The following MALRD1 variants were observed in gnomAD, a reference collection of about 807,000 sequenced individuals.
MALRD1 encodes MAM and LDL-receptor class A domain-containing protein 1.
A neutral mutation model predicts 242.1 loss-of-function variants in MALRD1; 247 were observed. The ratio of observed to expected loss-of-function variants is 1.02; its 90% CI spans 0.92 to 1.13. The LOEUF (loss-of-function observed/expected upper bound fraction) is 1.13, where lower values mean the gene tolerates loss of function less well. Ranked by LOEUF, MALRD1 falls within the 50% of genes most tolerant of loss-of-function variation. The probability of loss-of-function intolerance (pLI) is 0.00; values close to 1 mark genes in which losing one functional copy is unlikely to be tolerated. For synonymous variants in MALRD1, 995 were observed against 866.6 expected (o/e 1.15, Z -2.60); for missense variants, 2,989 against 2,533.1 (o/e 1.18, Z -3.86).
At chr10:19,253,348 A>C (rs1839376371) in intron 18 of MALRD1, among the ~76,000 whole-genome samples, 1 of 152,006 alleles carries the variant, frequency 6.6e-6, no homozygotes, top group South Asian at 2.1e-4. Context: ...AAAGTAATAG[A>C]CACATTGATG....
At chr10:19,141,712 GT>G (rs1234951766) in intron 10 of MALRD1, among the ~76,000 whole-genome samples, 1 of 151,892 alleles carries the variant, frequency 6.6e-6, no homozygotes, top group Non-Finnish European at 1.5e-5. Context: ...TGAAAAAGGG[GT>G]TTTTTAAATT....
intron 19 of MALRD1, among the ~76,000 whole-genome samples, chr10:19,279,655 A>T (rs1840708824): frequency 6.6e-6 from 1 of 152,222 alleles, no homozygotes; most frequent in African/African-American, 2.4e-5. Flanking sequence ...GATTTATTGT[A>T]GCAGTGGAAG....
chr10:19,312,378 G>A (rs959699609), intron 21 of MALRD1, among the ~76,000 whole-genome samples: 3 of 137,548 alleles, frequency 2.2e-5, no homozygotes, highest in African/African-American at 5.5e-5. Flanking sequence ...AGAGGAATGT[G>A]TATATATATA....
At chr10:19,269,926 C>T (rs138725697) in intron 19 of MALRD1, among the ~76,000 whole-genome samples, 17 of 152,296 alleles carry the variant, frequency 1.1e-4, no homozygotes, top group South Asian at 4.1e-4. Flanking sequence ...ATGAACTCAT[C>T]GGTCTCTCTT....
chr10:19,240,149 G>A (rs534411338), intron 18 of MALRD1, among the ~76,000 whole-genome samples: 2 of 152,042 alleles, frequency 1.3e-5, no homozygotes, highest in African/African-American at 4.8e-5. Context: ...TCCATTTTTT[G>A]TGTATCGTAA....
intron 32 of MALRD1, among the ~76,000 whole-genome samples, chr10:19,556,130 G>A (rs1360606009): frequency 6.6e-6 from 1 of 152,010 alleles, no homozygotes; most frequent in Non-Finnish European, 1.5e-5. Context: ...TATTATTGGA[G>A]CAGTTTTAGG....
At chr10:19,355,854 T>TA (rs1844608164) in intron 26 of MALRD1, among the ~76,000 whole-genome samples, 3 of 52,908 alleles carry the variant, frequency 5.7e-5, no homozygotes, top group African/African-American at 4.1e-4. Flanking sequence ...TATATATATA[T>TA]ATATTATATA....
At chr10:19,557,200 T>C (rs1036262046) in intron 32 of MALRD1, among the ~76,000 whole-genome samples, 2 of 152,100 alleles carry the variant, frequency 1.3e-5, no homozygotes, top group African/African-American at 4.8e-5. Flanking sequence ...CCAGGCCTTA[T>C]CAGATATGTG....
rs1837225932 is a variant in MALRD1, at chr10:19,214,639, T to C, written c.2991+4959T>C. 2.0e-5 allele frequency among the ~76,000 whole-genome samples: 3 copies of C among 152,206 alleles called. No individual in the cohort carries two copies. In the South Asian group the frequency reaches 6.2e-4, roughly 31 times the overall value. ...TAAAGGGTAAACATTGAAAATGTGA[T>C]CTTCGGTTTTCATCTCTAAAGAACT... is the stretch of plus-strand genomic sequence containing the variant. On this transcript the variant is annotated intron_variant, in intron 18 of 39. Transcript: ENST00000454679.
intron 34 of MALRD1, among the ~76,000 whole-genome samples, chr10:19,601,685 T>C (rs761728987): frequency 6.6e-6 from 1 of 152,032 alleles, no homozygotes. Context: ...TGTGAACTTA[T>C]AACACTTATA....
intron 4 of MALRD1, among the ~76,000 whole-genome samples, chr10:19,103,616 T>C (rs1836358209): frequency 6.7e-6 from 1 of 149,120 alleles, no homozygotes. Flanking sequence ...AATTGCAAAA[T>C]GCCAAGAACT....
chr10:19,288,321 C>A (rs534040709), intron 21 of MALRD1, among the ~76,000 whole-genome samples: 1 of 152,012 alleles, frequency 6.6e-6, no homozygotes, highest in South Asian at 2.1e-4. Flanking sequence ...CAGTTACTCT[C>A]TTTATTTTAA....
At chr10:19,730,411 T>G (rs555387856) in intron 38 of MALRD1, among the ~76,000 whole-genome samples, 2 of 152,208 alleles carry the variant, frequency 1.3e-5, no homozygotes, top group Admixed American at 6.5e-5. Context: ...CTGAGTAATA[T>G]TTTAAGAAAT....
chr10:19,449,519 A>T (rs757521062), intron 28 of MALRD1, among the ~76,000 whole-genome samples: 35 of 151,076 alleles, frequency 2.3e-4, no homozygotes, highest in Non-Finnish European at 4.6e-4. Flanking sequence ...GTAGATTAAT[A>T]TGCCTCTGTT....
At chr10:19,195,833 C>T (rs894688645) in intron 14 of MALRD1, among the ~76,000 whole-genome samples, 1 of 151,888 alleles carries the variant, frequency 6.6e-6, no homozygotes, top group Admixed American at 6.6e-5. Context: ...AGTGTGTTCT[C>T]GGTGCTACCC....
intron 8 of MALRD1, among the ~76,000 whole-genome samples, chr10:19,132,862 G>A (rs1833169132): frequency 6.6e-6 from 1 of 152,084 alleles, no homozygotes; most frequent in Non-Finnish European, 1.5e-5. Flanking sequence ...GAGCATAAAA[G>A]CATCAACATA....
intron 24 of MALRD1, among the ~76,000 whole-genome samples, chr10:19,336,270 AT>A (rs746769661): frequency 8.5e-4 from 129 of 152,302 alleles, no homozygotes; most frequent in Non-Finnish European, 1.6e-3. Context: ...GGAAACAACC[AT>A]TTTATTAGCT....
At chr10:19,235,613 A>AGAGAGC (rs769851042) in intron 18 of MALRD1, among the ~76,000 whole-genome samples, 31 of 143,844 alleles carry the variant, frequency 2.2e-4, no homozygotes, top group Non-Finnish European at 4.3e-4. Context: ...AGAGAGAGAG[A>AGAGAGC]GCGCCTAGGT....
At chr10:19,585,180 A>G (rs997253591) in intron 33 of MALRD1, among the ~76,000 whole-genome samples, 2 of 151,990 alleles carry the variant, frequency 1.3e-5, no homozygotes, top group African/African-American at 2.4e-5. Flanking sequence ...TCTTTATCCA[A>G]TTTGCCGGTC....
Sources: allele counts gnomAD v4.1 joint callset (sites outside exome capture counted in the v4.1 genomes callset), GRCh38; gene constraint gnomAD v4.1.1; transcripts MANE v1.5; gene names NCBI Gene and HGNC (gene_info 2026-07-23, HGNC 2026-07-21).